Variants in SLC25A21 observed in about 807,000 individuals in gnomAD.
The protein encoded by SLC25A21 is solute carrier family 25 member 21, also known as mitochondrial 2-oxodicarboxylate carrier.
A neutral mutation model predicts 43.8 loss-of-function variants in SLC25A21; 47 were observed. The observed-to-expected ratio is 1.07, with a 90% CI of 0.85 to 1.37. The LOEUF is 1.37. SLC25A21 is among the 40% of genes most tolerant of loss of function. SLC25A21 has a pLI of 0.00. For missense variants in SLC25A21, 352 were observed against 350.2 expected (o/e 1.00, Z -0.04); for synonymous variants, 131 against 121.3 (o/e 1.08, Z -0.52).
At chr14:36,748,387 A>C (rs147091196) in intron 3 of SLC25A21, among the ~76,000 whole-genome samples, 101 of 152,298 alleles carry the variant, frequency 6.6e-4, no homozygotes, top group African/African-American at 2.4e-3. Context: ...GTTTTTTTAA[A>C]AAGTGCCCAA....
chr14:37,087,560 A>G (rs573324551), intron 1 of SLC25A21, among the ~76,000 whole-genome samples: 9 of 152,318 alleles, frequency 5.9e-5, no homozygotes, highest in South Asian at 2.1e-4. Context: ...ATTTATTTTC[A>G]TAAGTAGATG....
chr14:37,063,437 T>C (rs1419159095), intron 1 of SLC25A21, among the ~76,000 whole-genome samples: 2 of 150,930 alleles, frequency 1.3e-5, no homozygotes, highest in Non-Finnish European at 2.9e-5. Flanking sequence ...GAGGTGGAGG[T>C]TGCAGTGAGC....
At chr14:37,087,730 G>A (rs147367194) in intron 1 of SLC25A21, among the ~76,000 whole-genome samples, 1 of 152,182 alleles carries the variant, frequency 6.6e-6, no homozygotes, top group African/African-American at 2.4e-5. Context: ...AGCCAGAAAA[G>A]AGACAACCAT....
At chr14:36,947,277 C>A (rs543566999) in intron 1 of SLC25A21, among the ~76,000 whole-genome samples, 3 of 152,270 alleles carry the variant, frequency 2.0e-5, no homozygotes, top group Admixed American at 2.0e-4. Flanking sequence ...CAACAAGTAA[C>A]CACTACAGCA....
intron 1 of SLC25A21, among the ~76,000 whole-genome samples, chr14:37,003,409 T>C (rs1960530520): frequency 6.6e-6 from 1 of 152,162 alleles, no homozygotes; most frequent in Non-Finnish European, 1.5e-5. Flanking sequence ...TTAATATTTT[T>C]AGACCACAGT....
intron 1 of SLC25A21, among the ~76,000 whole-genome samples, chr14:37,100,602 G>A (rs1329705131): frequency 6.6e-6 from 1 of 152,208 alleles, no homozygotes; most frequent in African/African-American, 2.4e-5. Context: ...AACACGGCAA[G>A]TTAAAACAAG....
intron 2 of SLC25A21, among the ~76,000 whole-genome samples, chr14:36,840,151 T>C (rs932255555): frequency 2.6e-5 from 4 of 152,008 alleles, no homozygotes; most frequent in Admixed American, 1.3e-4. Context: ...CATTCTTTGA[T>C]AGGCTTCATT....
chr14:36,951,526 C>T (rs892303431), intron 1 of SLC25A21, among the ~76,000 whole-genome samples: 3 of 152,116 alleles, frequency 2.0e-5, no homozygotes, highest in Middle Eastern at 3.2e-3. Flanking sequence ...ACAAATAGGG[C>T]CTCTCTTATC....
chr14:36,785,874 G>A (rs1887231972), intron 3 of SLC25A21, among the ~76,000 whole-genome samples: 1 of 152,178 alleles, frequency 6.6e-6, no homozygotes, highest in African/African-American at 2.4e-5. Context: ...TAAGTTGGGG[G>A]ACTCTTACAA....
At chr14:36,683,226 C>G (rs941884001) in intron 9 of SLC25A21, among the ~76,000 whole-genome samples, 6 of 152,206 alleles carry the variant, frequency 3.9e-5, no homozygotes, top group African/African-American at 1.4e-4. Context: ...CCGATTCTCC[C>G]TGTGGGAATG....
At chr14:37,069,443 G>C (rs1277472952) in intron 1 of SLC25A21, among the ~76,000 whole-genome samples, 1 of 152,140 alleles carries the variant, frequency 6.6e-6, no homozygotes, top group Non-Finnish European at 1.5e-5. Flanking sequence ...AGGAACATAT[G>C]CGTAGACATC....
intron 1 of SLC25A21, among the ~76,000 whole-genome samples, chr14:36,897,173 C>T (rs139244485): frequency 0.036 from 5,523 of 152,286 alleles, 164 homozygotes; most frequent in African/African-American, 0.08. Flanking sequence ...CTTTCAGGTA[C>T]ACCAATCACA....
At chr14:36,849,828 A>G (rs540625243) in intron 2 of SLC25A21, among the ~76,000 whole-genome samples, 1 of 152,304 alleles carries the variant, frequency 6.6e-6, no homozygotes, top group African/African-American at 2.4e-5. Context: ...AGTTTTCAGA[A>G]TCTAGGACTT....
At chr14:36,711,751 T>C (rs1883884059) in intron 6 of SLC25A21, among the ~76,000 whole-genome samples, 1 of 152,226 alleles carries the variant, frequency 6.6e-6, no homozygotes, top group African/African-American at 2.4e-5. Context: ...GTATAATAAC[T>C]ATCATCACTT....
intron 1 of SLC25A21, among the ~76,000 whole-genome samples, chr14:37,078,155 G>C (rs2138834642): frequency 6.6e-6 from 1 of 152,260 alleles, no homozygotes; most frequent in Non-Finnish European, 1.5e-5. Flanking sequence ...ACATTTGTTG[G>C]TGGCTTCTTA....
At chr14:37,061,420 A>G (rs1190152461) in intron 1 of SLC25A21, among the ~76,000 whole-genome samples, 2 of 152,088 alleles carry the variant, frequency 1.3e-5, no homozygotes, top group Non-Finnish European at 2.9e-5. Context: ...AGAGGCCCCA[A>G]TTTCCTTAGT....
intron 1 of SLC25A21, among the ~76,000 whole-genome samples, chr14:37,147,602 C>T (rs971393218): frequency 6.7e-5 from 10 of 149,856 alleles, no homozygotes; most frequent in African/African-American, 1.2e-4. Context: ...GGGCTTAGAG[C>T]TGCCATTACT....
intron 2 of SLC25A21, among the ~76,000 whole-genome samples, chr14:36,861,247 A>T (rs777105898): frequency 3.3e-5 from 5 of 152,284 alleles, no homozygotes; most frequent in Non-Finnish European, 5.9e-5. Flanking sequence ...ATCAGCCTCA[A>T]ATTTGTTTGT....
At chr14:36,812,350 G>A (rs1888299359) in intron 3 of SLC25A21, among the ~76,000 whole-genome samples, 1 of 151,832 alleles carries the variant, frequency 6.6e-6, no homozygotes, top group South Asian at 2.1e-4. Flanking sequence ...TTTTTGGAAG[G>A]TAAGTTTGTC....
Sources: gnomAD v4.1 joint callset for allele counts (sites outside exome capture counted in the v4.1 genomes callset) on GRCh38, gnomAD v4.1.1 for gene constraint, MANE v1.5 for transcripts, NCBI Gene and HGNC (gene_info 2026-07-23, HGNC 2026-07-21) for gene names.